RNF216: variants seen among roughly 807,000 people sequenced by gnomAD.
The protein encoded by RNF216 is E3 ubiquitin-protein ligase RNF216.
In RNF216, 72 loss-of-function variants were observed where a neutral mutation model predicts 110.8. The observed-to-expected ratio is 0.65, with a 90% CI of 0.54 to 0.79. The LOEUF (loss-of-function observed/expected upper bound fraction) is 0.79. Ranked by LOEUF, RNF216 falls within the 30% of genes least tolerant of loss-of-function variation. The pLI is 0.00. For synonymous variants in RNF216, 495 were observed against 407.5 expected (o/e 1.21, Z -2.59); for missense variants, 1,342 against 1,141.2 (o/e 1.18, Z -2.54).
At position 5,746,332 on chromosome 7, in the gene RNF216, C is replaced by T. The variant is rs541614360; in HGVS notation, c.202-4517G>A. 7.9e-5 allele frequency among the ~76,000 whole-genome samples: 12 copies of T among 152,282 alleles called. No homozygotes were observed. In the South Asian group the frequency reaches 1.9e-3, roughly 24 times the overall value. ...GGGGCTCACAAATCACTGGCAATAA[C>T]TGTATTTTTTGCTCCCTCTTTGCAG... On this transcript the variant is annotated intron_variant, in intron 3 of 16. Coordinates refer to ENST00000389902, the MANE Select transcript of RNF216 (RefSeq NM_207111.4).
chr7:5,642,179 G>A (rs1787775695), intron 14 of RNF216, among the ~76,000 whole-genome samples: 1 of 151,256 alleles, frequency 6.6e-6, no homozygotes. Context: ...CAACTGTGAA[G>A]ACACTACTCA....
chr7:5,710,907 T>C (rs1318843476), intron 13 of RNF216, among the ~76,000 whole-genome samples: 1 of 152,208 alleles, frequency 6.6e-6, no homozygotes, highest in Non-Finnish European at 1.5e-5. Flanking sequence ...GTGACAATTG[T>C]TATAGCAACA....
chr7:5,691,486 T>C (rs1229363697), intron 13 of RNF216, among the ~76,000 whole-genome samples: 1 of 145,722 alleles, frequency 6.9e-6, no homozygotes, highest in Non-Finnish European at 1.5e-5. Flanking sequence ...GAGAGAGCTA[T>C]GGTGGGGGTG....
chr7:5,718,065 C>G (rs1793175251), intron 9 of RNF216, among the ~76,000 whole-genome samples: 1 of 152,152 alleles, frequency 6.6e-6, no homozygotes, highest in Non-Finnish European at 1.5e-5. Flanking sequence ...AAACCAAAGA[C>G]TAACAATAAT....
At position 5,696,879 on chromosome 7, in the gene RNF216, T is replaced by C. The variant is rs1471017391; in HGVS notation, c.2061+14882A>G. On this transcript the variant is annotated intron_variant, in intron 13 of 16. Coordinates refer to ENST00000389902, the MANE Select transcript of RNF216 (RefSeq NM_207111.4). The surrounding 1 kb of genome is among the most constrained non-coding windows in gnomAD (Gnocchi z 5.4). ...GCAAGGTGTTCCAATTCCCTTGATA[T>C]TCTATATCTGATCTCTCCCTCCCTC... 6.6e-6 allele frequency among the ~76,000 whole-genome samples: 1 copy of C among 152,118 alleles called. No homozygotes were observed. The highest frequency in any genetic ancestry group is 2.4e-5 in the African/African-American group (1 of 41,424).
chr7:5,671,445 A>C (rs1222214968), intron 13 of RNF216, among the ~76,000 whole-genome samples: 1 of 152,174 alleles, frequency 6.6e-6, no homozygotes, highest in Non-Finnish European at 1.5e-5. Context: ...CAGGGACTTT[A>C]AAGAGGTGAT....
At chr7:5,629,639 C>T (rs1786935332) in intron 15 of RNF216, among the ~76,000 whole-genome samples, 1 of 151,612 alleles carries the variant, frequency 6.6e-6, no homozygotes, top group Non-Finnish European at 1.5e-5. Flanking sequence ...CAGGCCTGGC[C>T]AATATGGTGA....
At chr7:5,694,447 T>C (rs1791508050) in intron 13 of RNF216, among the ~76,000 whole-genome samples, 1 of 152,238 alleles carries the variant, frequency 6.6e-6, no homozygotes, top group Non-Finnish European at 1.5e-5. Flanking sequence ...AAATCCCTGC[T>C]TTCCTCCAAA....
intron 3 of RNF216, among the ~76,000 whole-genome samples, chr7:5,745,840 G>A (rs1052691868): frequency 2.0e-5 from 3 of 147,644 alleles, no homozygotes; most frequent in African/African-American, 7.6e-5. Context: ...ATGTTGCAGT[G>A]AGCCGAGATC....
chr7:5,698,720 T>G (rs977788066), intron 13 of RNF216, among the ~76,000 whole-genome samples: 1 of 152,142 alleles, frequency 6.6e-6, no homozygotes, highest in African/African-American at 2.4e-5. Flanking sequence ...GTAGTTTAAG[T>G]CTGTTTTCCC....
intron 13 of RNF216, among the ~76,000 whole-genome samples, chr7:5,667,206 G>C (rs1789586520): frequency 1.3e-5 from 2 of 152,126 alleles, no homozygotes; most frequent in South Asian, 2.1e-4. Context: ...AAAAATACTA[G>C]GGCACATTCC....
intron 13 of RNF216, among the ~76,000 whole-genome samples, chr7:5,709,446 GTT>G (rs779527143): frequency 3.2e-4 from 48 of 152,296 alleles, no homozygotes; most frequent in Non-Finnish European, 1.0e-4. Context: ...TTGTTGAACT[GTT>G]CTCTCTATGG....
chr7:5,716,364 G>C (rs1452796545), intron 10 of RNF216, among the ~76,000 whole-genome samples: 1 of 152,074 alleles, frequency 6.6e-6, no homozygotes, highest in African/African-American at 2.4e-5. Flanking sequence ...ACAAAAATTA[G>C]CTGGGCATTT....
intron 5 of RNF216, among the ~76,000 whole-genome samples, chr7:5,737,015 G>A (rs1794458950): frequency 6.6e-6 from 1 of 152,272 alleles, no homozygotes; most frequent in South Asian, 2.1e-4. Context: ...CACCCCGTCT[G>A]GGAGGTGTTC....
chr7:5,738,229 A>G (rs1369309275), intron 5 of RNF216, among the ~76,000 whole-genome samples: 1 of 152,094 alleles, frequency 6.6e-6, no homozygotes, highest in Non-Finnish European at 1.5e-5. Flanking sequence ...ACTTATAAAA[A>G]ATTTTTTTAA....
rs3757478 is a variant in RNF216, at chr7:5,721,324, T to A, written c.1505-152A>T. On this transcript the variant is annotated intron_variant, in intron 8 of 16. Transcript: ENST00000389902. The stretch of plus-strand genomic sequence containing the variant: ...ATCACATTCTACCATTTGGGAAGAC[T>A]GGGCTTCTTACCATTAGCCAACCTA... 1,319 of 711,312 alleles carry A rather than the reference T, an allele frequency of 1.9e-3. 31 individuals carry two copies. In the East Asian group the frequency reaches 0.034, roughly 19 times the overall value. The allele number at this position is 711,312 out of a possible 1,614,324, so 44.1% of individuals were successfully genotyped here. A position where few individuals can be genotyped will look rare whatever the true frequency, so the allele number is the denominator to read the frequency against.
intron 13 of RNF216, among the ~76,000 whole-genome samples, chr7:5,695,126 C>T (rs902755732): frequency 6.6e-6 from 1 of 152,222 alleles, no homozygotes; most frequent in African/African-American, 2.4e-5. Flanking sequence ...CTTCAAGCTA[C>T]ACGAAGTTAG....
intron 5 of RNF216, among the ~76,000 whole-genome samples, chr7:5,731,583 C>T (rs1584530178): frequency 1.3e-5 from 2 of 151,482 alleles, no homozygotes; most frequent in Non-Finnish European, 2.9e-5. Context: ...CACCTTGGAA[C>T]AACTGCACAG....
intron 1 of RNF216, among the ~76,000 whole-genome samples, chr7:5,768,344 A>AAAACACAC (rs1225522361): frequency 7.1e-5 from 1 of 14,166 alleles, no homozygotes; most frequent in Non-Finnish European, 1.7e-4. Flanking sequence ...GAGGCAGGCA[A>AAAACACAC]ATACACACAC....
Sources: allele counts gnomAD v4.1 joint callset (sites outside exome capture counted in the v4.1 genomes callset), GRCh38; gene constraint gnomAD v4.1.1; non-coding constraint Gnocchi (gnomAD v3.1); transcripts MANE v1.5; gene names NCBI Gene and HGNC (gene_info 2026-07-23, HGNC 2026-07-21).